The following FOXJ3 variants were observed in gnomAD, a reference collection of about 807,000 sequenced individuals.
FOXJ3 encodes the protein forkhead box J3.
In FOXJ3, 22 loss-of-function variants were observed where a neutral mutation model predicts 76.1. The observed-to-expected ratio is 0.29, with a 90% CI of 0.21 to 0.41. The LOEUF is 0.41. Among genes scored for constraint, FOXJ3 ranks in the 10% least tolerant of loss-of-function variants. The probability of loss-of-function intolerance (pLI) is 1.00; values close to 1 mark genes in which losing one functional copy is unlikely to be tolerated. For synonymous variants in FOXJ3, 269 were observed against 261.2 expected, an observed-to-expected ratio of 1.03 and a Z score of -0.29; for missense variants, 613 against 762.1, an observed-to-expected ratio of 0.80 and a Z score of 2.30.
Position 42,227,897 on chromosome 1 carries a change from G to A in FOXJ3, c.514C>T (p.Arg172Ter). 1.9e-6 allele frequency: 3 copies of A among 1,570,358 alleles called. No homozygotes were observed. Among genetic ancestry groups the A allele is most frequent in the Non-Finnish European group, 1.7e-6 (2 of 1,148,534 alleles). ...AGAGCCTTTACCCGTTCTACAGATC[G>A]TGCCCTCTTCTTTGGCCGAGTAGGC... ...VLPTRPKKRA[R>*]SVERASTPYS... Residue 172 changes from arginine to a stop codon, truncating the protein, a stop_gained, in exon 5 of 13, where the codon CGA becomes TGA. Coordinates refer to ENST00000361346, the MANE Select transcript of FOXJ3 (RefSeq NM_014947.5). LOFTEE classifies it high-confidence loss of function.
chr1:42,223,850 G>A (rs1223948015), intron 5 of FOXJ3, among the ~76,000 whole-genome samples: 2 of 152,200 alleles, frequency 1.3e-5, no homozygotes, highest in Non-Finnish European at 2.9e-5. Flanking sequence ...ACAAATACCA[G>A]TGGAAGAATA....
At chr1:42,248,730 CTTTTTT>C (rs4019587) in intron 4 of FOXJ3, among the ~76,000 whole-genome samples, 23 of 92,190 alleles carry the variant, frequency 2.5e-4, no homozygotes, top group African/African-American at 5.3e-4. Flanking sequence ...CCTGTTTTTT[CTTTTTT>C]TTTTTTTTTT....
At position 42,191,419 on chromosome 1, in the gene FOXJ3, G is replaced by A. The variant is rs758361204; in HGVS notation, c.1235C>T (p.Ser412Phe). 1 of 1,610,590 alleles carries A rather than the reference G, an allele frequency of 6.2e-7. No homozygotes were observed. The highest frequency in any genetic ancestry group is 8.5e-7 in the Non-Finnish European group (1 of 1,176,956). ...PHPQQHSQLQ[S>F]PHPQHPSPHQ... ...TGGAGAGGGATGCTGGGGGTGAGGGGACTGGAGCTGGCTGTGTTGCTGTGG... is the reference window on the plus strand; with the variant it reads ...TGGAGAGGGATGCTGGGGGTGAGGGAACTGGAGCTGGCTGTGTTGCTGTGG... Residue 412 changes from serine (S) to phenylalanine (F), a missense_variant, in exon 9 of 13, where the codon TCC (serine) becomes TTC (phenylalanine). By Grantham distance (155) the Ser-to-Phe change is radical. This residue lies in a region of FOXJ3 where 526 missense variants were observed against 601.4 expected (regional missense o/e 0.87). Coordinates refer to ENST00000361346, the MANE Select transcript of FOXJ3 (RefSeq NM_014947.5).
chr1:42,319,676 C>T (rs1655323923), intron 1 of FOXJ3, among the ~76,000 whole-genome samples: 1 of 152,124 alleles, frequency 6.6e-6, no homozygotes, highest in South Asian at 2.1e-4. Flanking sequence ...AATTATATCT[C>T]AACAAAGCAG....
chr1:42,318,575 C>A (rs1655254850), intron 1 of FOXJ3, among the ~76,000 whole-genome samples: 1 of 152,132 alleles, frequency 6.6e-6, no homozygotes, highest in Non-Finnish European at 1.5e-5. Flanking sequence ...AAATTCCCGA[C>A]GTCAGGTGAT....
At chr1:42,325,565 G>C (rs1180115894) in intron 1 of FOXJ3, among the ~76,000 whole-genome samples, 1 of 152,188 alleles carries the variant, frequency 6.6e-6, no homozygotes, top group African/African-American at 2.4e-5. Flanking sequence ...GAATGAGTGA[G>C]AGAAATGATG....
At chr1:42,313,847 ATG>A (rs1654952014) in intron 1 of FOXJ3, among the ~76,000 whole-genome samples, 1 of 152,172 alleles carries the variant, frequency 6.6e-6, no homozygotes, top group African/African-American at 2.4e-5. Context: ...TTACTGTTTT[ATG>A]TGTGATTTAC....
intron 11 of FOXJ3, among the ~76,000 whole-genome samples, chr1:42,185,985 C>A: frequency 6.6e-6 from 1 of 152,096 alleles, no homozygotes; most frequent in East Asian, 1.9e-4. Flanking sequence ...ATGAATTTTA[C>A]AACATTGGGT....
intron 7 of FOXJ3, among the ~76,000 whole-genome samples, chr1:42,197,297 G>T (rs903444984): frequency 2.6e-5 from 4 of 151,974 alleles, no homozygotes; most frequent in Non-Finnish European, 5.9e-5. Context: ...CTTAAGCCAG[G>T]AGTTCGAGAC....
Position 42,177,039 on chromosome 1 carries a change from C to A in FOXJ3, c.*2671G>T, listed in dbSNP as rs1244018232. 2 of 152,630 alleles carry A rather than the reference C, an allele frequency of 1.3e-5. No homozygotes were observed. The highest frequency in any genetic ancestry group is 1.9e-4 in the East Asian group (1 of 5,206). The allele number at this position is 152,630 out of a possible 1,614,324, so 9.5% of individuals were successfully genotyped here. A position where few individuals can be genotyped will look rare whatever the true frequency, so the allele number is the denominator to read the frequency against. On this transcript the variant is annotated 3_prime_UTR_variant, in exon 13 of 13. Transcript: ENST00000361346. ...TACATGCATTTACTATTCTTTCCCCCTAAAGTCTTCAGTCAATTTAAGCCC... is the reference window on the plus strand; with the variant it reads ...TACATGCATTTACTATTCTTTCCCCATAAAGTCTTCAGTCAATTTAAGCCC...
intron 4 of FOXJ3, among the ~76,000 whole-genome samples, chr1:42,235,245 G>T (rs1166889677): frequency 6.6e-6 from 1 of 151,072 alleles, no homozygotes; most frequent in Non-Finnish European, 1.5e-5. Context: ...TGCTAAGACT[G>T]TTGGAAAAGT....
intron 5 of FOXJ3, among the ~76,000 whole-genome samples, chr1:42,217,927 T>G (rs922775282): frequency 6.6e-6 from 1 of 152,222 alleles, no homozygotes; most frequent in Non-Finnish European, 1.5e-5. Context: ...TGATCTCTTA[T>G]GAAACTTTTC....
At chr1:42,314,105 G>C (rs754232713) in intron 1 of FOXJ3, among the ~76,000 whole-genome samples, 15 of 152,240 alleles carry the variant, frequency 9.9e-5, no homozygotes, top group Non-Finnish European at 1.6e-4. Flanking sequence ...TGTTAGAGCA[G>C]ACTAATTTTT....
intron 2 of FOXJ3, among the ~76,000 whole-genome samples, chr1:42,286,978 A>C (rs1653096614): frequency 1.3e-5 from 2 of 152,146 alleles, no homozygotes; most frequent in African/African-American, 4.8e-5. Context: ...TATTTCTTAA[A>C]ATCTCCAAGG....
intron 5 of FOXJ3, among the ~76,000 whole-genome samples, chr1:42,227,129 TAAAAGAGTTTTATAAAAATTCTACA>T (rs898726396): frequency 6.6e-6 from 1 of 152,212 alleles, no homozygotes; most frequent in Admixed American, 6.5e-5. Context: ...AGAAATTCCA[TAAAAGAGTTTTATAAAAATTCTACA>T]AGAACAAAAA....
chr1:42,296,824 T>A lies in FOXJ3; in HGVS notation c.44+14226A>T, dbSNP rs1328252629. On this transcript the variant is annotated intron_variant, in intron 2 of 12. Coordinates refer to ENST00000361346, the MANE Select transcript of FOXJ3 (RefSeq NM_014947.5). ...TCCATATGCACTCCAGTGCTGTTTT[T>A]CTAATTCTGTGAAAACTGATGTTAG... 2.0e-5 allele frequency among the ~76,000 whole-genome samples: 3 copies of A among 152,252 alleles called. No individual in the cohort carries two copies. The East Asian group carries it at 5.8e-4, about 29-fold the overall frequency.
chr1:42,329,446 G>A (rs765418863), intron 1 of FOXJ3, among the ~76,000 whole-genome samples: 2 of 152,170 alleles, frequency 1.3e-5, no homozygotes, highest in African/African-American at 2.4e-5. Flanking sequence ...GTTATAAAAC[G>A]CCACTGTGGT....
chr1:42,204,717 C>T (rs1463774235), intron 6 of FOXJ3, among the ~76,000 whole-genome samples: 1 of 150,184 alleles, frequency 6.7e-6, no homozygotes, highest in African/African-American at 2.5e-5. Context: ...CACCCCCCAA[C>T]TGCCCCATAA....
chr1:42,310,149 GTT>G (rs201552474), intron 2 of FOXJ3, among the ~76,000 whole-genome samples: 10 of 140,234 alleles, frequency 7.1e-5, no homozygotes, highest in Admixed American at 7.1e-5. Context: ...GCAGGTTTAG[GTT>G]TTTTTTTTTT....
Sources: allele counts gnomAD v4.1 joint callset (sites outside exome capture counted in the v4.1 genomes callset), GRCh38; gene constraint gnomAD v4.1.1; regional missense constraint gnomAD v4.1.1; transcripts MANE v1.5; gene names NCBI Gene and HGNC (gene_info 2026-07-23, HGNC 2026-07-21).